TMED1: variants seen among roughly 807,000 people sequenced by gnomAD.
TMED1 encodes the protein transmembrane emp24 domain-containing protein 1.
In TMED1, 20 loss-of-function variants were observed where a neutral mutation model predicts 21.2. That is an observed-to-expected ratio of 0.95 (90% CI 0.67 to 1.37). TMED1 has a LOEUF of 1.37. Among genes scored for constraint, TMED1 ranks in the 40% most tolerant of loss-of-function variants. TMED1 has a pLI of 0.00. For missense variants in TMED1, 316 were observed against 309.8 expected (o/e 1.02, Z -0.15); for synonymous variants, 149 against 134.7 (o/e 1.11, Z -0.74).
At position 10,832,245 on chromosome 19, in the gene TMED1, C is replaced by T. The variant is rs528335877; in HGVS notation, c.*750G>A. ...CTCTCACCTCGTGGGGAAGCCCAAG[C>T]CTCGTGGCCCAACTGGGGCTCAGTT... On this transcript the variant is annotated 3_prime_UTR_variant, in exon 4 of 4. Coordinates refer to ENST00000214869, the MANE Select transcript of TMED1 (RefSeq NM_006858.4). The T allele has an allele frequency of 1.1e-5, 14 of 1,276,678 alleles. No homozygotes were observed. In the South Asian group the frequency reaches 1.4e-4, roughly 12 times the overall value. 79.1% of individuals were successfully genotyped at this position (1,276,678 alleles called of 1,614,324 possible).
chr19:10,835,673 C>A (rs1338380922), intron 1 of TMED1: 10 of 1,400,406 alleles, frequency 7.1e-6, no homozygotes, highest in South Asian at 4.8e-5. Flanking sequence ...GTCTAACCCC[C>A]GAGAAAGGCC....
intron 3 of TMED1, 182 bp from the exon 4 acceptor site, chr19:10,833,395 A>G (rs2073386431): frequency 1.7e-6 from 1 of 604,286 alleles, no homozygotes; most frequent in East Asian, 2.8e-5. Flanking sequence ...GACCATGAGC[A>G]ACTTAATTAA....
chr19:10,835,594 G>C, intron 1 of TMED1: 1 of 1,417,714 alleles, frequency 7.1e-7, no homozygotes, highest in Non-Finnish European at 9.2e-7. Context: ...GTACTTAATG[G>C]ACGTTTACCT....
chr19:10,834,421 T>G (rs935756509), intron 3 of TMED1, among the ~76,000 whole-genome samples: 14 of 151,996 alleles, frequency 9.2e-5, no homozygotes, highest in Non-Finnish European at 1.9e-4. Context: ...TCCTTAAACC[T>G]TTACACCAGG....
chr19:10,835,379 A>C lies in TMED1; in HGVS notation c.184-26T>G, dbSNP rs772418236. On this transcript the variant is annotated intron_variant, in intron 1 of 3. Transcript: ENST00000214869. ...CTGGGGGGCAGGTAAGAGCGGGTGG[A>C]GGGCTAGCGGTAGGCCAAGGGCGCC... 1.2e-6 allele frequency: 2 copies of C among 1,612,760 alleles called. No homozygotes were observed. Among genetic ancestry groups the C allele is most frequent in the Non-Finnish European group, 1.7e-6 (2 of 1,179,602 alleles).
Position 10,836,137 on chromosome 19 carries a change from C to A in TMED1, c.55G>T (p.Val19Leu). 1.3e-6 allele frequency: 2 copies of A among 1,566,420 alleles called. No individual in the cohort carries two copies. The highest frequency in any genetic ancestry group is 1.7e-6 in the Non-Finnish European group (2 of 1,156,830). ...ALALWLLMPP[V>L]EVGGAGPPPI... ...GGGGGCCCCGCCCCTCCCACCTCCA[C>A]TGGTGGCATTAGTAGCCACAAGGCC... Residue 19 changes from valine (V) to leucine (L), a missense_variant, in exon 1 of 4, where the codon GTG becomes TTG. Transcript: ENST00000214869.
At chr19:10,835,891 C>A in intron 1 of TMED1, 118 bp downstream of exon 1, 11 of 1,432,002 alleles carry the variant, frequency 7.7e-6, no homozygotes, top group South Asian at 1.4e-5. Flanking sequence ...TCTAGCTCCG[C>A]CCCCGCGCTC....
At chr19:10,835,646 C>G in intron 1 of TMED1, 9 of 1,408,454 alleles carry the variant, frequency 6.4e-6, no homozygotes, top group Non-Finnish European at 8.3e-6. Flanking sequence ...AGAGGATAGG[C>G]CCAGCCTTTT....
Position 10,832,787 on chromosome 19 carries a change from T to A in TMED1, c.*208A>T. On this transcript the variant is annotated 3_prime_UTR_variant, in exon 4 of 4. Transcript: ENST00000214869. ...CCACCATGTGAGATTTCCAGGACCGTCGGTGCAGCCACTGAGCCGTCCCTT... is the reference window on the plus strand; with the variant it reads ...CCACCATGTGAGATTTCCAGGACCGACGGTGCAGCCACTGAGCCGTCCCTT... 2 of 617,616 alleles carry A rather than the reference T, an allele frequency of 3.2e-6. No individual in the cohort carries two copies. The highest frequency in any genetic ancestry group is 5.7e-6 in the Non-Finnish European group (2 of 352,594). The allele number at this position is 617,616 out of a possible 1,614,324, so 38.3% of individuals were successfully genotyped here.
In TMED1 at chr19:10,835,006, G is replaced by C. The variant is rs751457954; in HGVS notation, c.393C>G (p.Asp131Glu). The change falls in exon 3 of 4, where the codon GAC (aspartate) becomes GAG (glutamate). Residue 131 changes from aspartate (D) to glutamate (E), a missense_variant. Coordinates refer to ENST00000214869, the MANE Select transcript of TMED1 (RefSeq NM_006858.4). The part of the protein sequence containing the change: ...FELIFDSLQD[D>E]EEVEGWAEAV... ...CCTCTGCCCATCCTTCGACCTCCTCGTCATCCTGGAGGCTGTCAAAGATCA... is the reference window on the plus strand; with the variant it reads ...CCTCTGCCCATCCTTCGACCTCCTCCTCATCCTGGAGGCTGTCAAAGATCA... 1.2e-6 allele frequency: 2 copies of C among 1,614,044 alleles called. No homozygotes were observed. Among genetic ancestry groups the C allele is most frequent in the African/African-American group, 1.3e-5 (1 of 74,906 alleles).
chr19:10,835,332 C>G lies in TMED1; in HGVS notation c.205G>C (p.Asp69His). Residue 69 changes from aspartate to histidine, a missense_variant, in exon 2 of 4, where the codon GAC (aspartate) becomes CAC (histidine). Transcript: ENST00000214869. ...GGGCTCTCCAGCGTGAAGTCCACGT[C>G]CAGTCCAGCACCTCCGATCACCTGG... The part of the protein sequence containing the change: ...EYQVIGGAGL[D>H]VDFTLESPQG... The G allele has an allele frequency of 6.2e-7, 1 of 1,613,740 alleles. No homozygotes were observed. Among genetic ancestry groups the G allele is most frequent in the Non-Finnish European group, 8.5e-7 (1 of 1,179,898 alleles).
At position 10,836,046 on chromosome 19, in the gene TMED1, G is replaced by C. The variant is rs2073424669; in HGVS notation, c.146C>G (p.Ser49Cys). The C allele has an allele frequency of 6.3e-7, 1 of 1,596,606 alleles. No homozygotes were observed. The highest frequency in any genetic ancestry group is 1.3e-5 in the African/African-American group (1 of 74,462). ...PAGRKQCFYQ[S>C]APANASLETE... ...CTCGAGGCTTGCGTTGGCCGGCGCG[G>C]ACTGGTAGAAACACTGCTTCCTCCC... is the stretch of plus-strand genomic sequence containing the variant. The change falls in exon 1 of 4, where the codon TCC becomes TGC. Residue 49 changes from serine to cysteine, a missense_variant. Physicochemically the swap from Ser to Cys is moderately radical, Grantham distance 112 (BLOSUM62 -1). Coordinates refer to ENST00000214869, the MANE Select transcript of TMED1 (RefSeq NM_006858.4).
rs1424408853 is a variant in TMED1 at position 10,832,389 on chromosome 19, G to A, written c.*606C>T. On this transcript the variant is annotated 3_prime_UTR_variant, in exon 4 of 4. Coordinates refer to ENST00000214869, the MANE Select transcript of TMED1 (RefSeq NM_006858.4). Reference sequence around the variant, plus strand: ...CACCTGTCTGGCTGCCCCCTCGGGGGCCGGTCTGTCCTGGCTGGTGTCCCT... The same window carrying A: ...CACCTGTCTGGCTGCCCCCTCGGGGACCGGTCTGTCCTGGCTGGTGTCCCT... The A allele has an allele frequency of 1.6e-6, 2 of 1,287,304 alleles. No individual in the cohort carries two copies. The highest frequency in any genetic ancestry group is 2.0e-6 in the Non-Finnish European group (2 of 986,594). 79.7% of individuals were successfully genotyped at this position (1,287,304 alleles called of 1,614,324 possible). A position where few individuals can be genotyped will look rare whatever the true frequency, so the allele number is the denominator to read the frequency against.
At chr19:10,833,525 G>C (rs2073388186) in intron 3 of TMED1, 1 of 376,908 alleles carries the variant, frequency 2.7e-6, no homozygotes, top group Non-Finnish European at 4.9e-6. Flanking sequence ...ACTTTGGAAG[G>C]CTGAGGTGGG....
rs762671844 is a variant in TMED1, at chr19:10,835,077, C to T, written c.322G>A (p.Asp108Asn). 1.9e-6 allele frequency: 3 copies of T among 1,614,090 alleles called. No individual in the cohort carries two copies. In the South Asian group the frequency reaches 3.3e-5, roughly 18 times the overall value. Residue 108 changes from aspartate (D) to asparagine (N), a missense_variant, in exon 3 of 4, where the codon GAC becomes AAC. Physicochemically the swap from Asp to Asn is conservative, Grantham distance 23. Coordinates refer to ENST00000214869, the MANE Select transcript of TMED1 (RefSeq NM_006858.4). ...TCGGAGATGGTGCTGAAGGAGTTGTCAAAGCACAGCTTGTAGTCCCCGGCC... is the reference window on the plus strand; with the variant it reads ...TCGGAGATGGTGCTGAAGGAGTTGTTAAAGCACAGCTTGTAGTCCCCGGCC... The part of the protein sequence containing the change: ...TEAGDYKLCF[D>N]NSFSTISEKL...
chr19:10,833,178 G>A lies in TMED1; in HGVS notation c.501C>T (p.Arg167=). The A allele has an allele frequency of 6.2e-7, 1 of 1,613,748 alleles. No individual in the cohort carries two copies. Among genetic ancestry groups the A allele is most frequent in the Non-Finnish European group, 8.5e-7 (1 of 1,180,020 alleles). ...GCAGTAGCGTGAGCATCTGGATGCT[G>A]CGCTCCAGCCGGGTCCGCATGGTCT... ...SIETMRTRLE[R]SIQMLTLLRA... The change falls in exon 4 of 4, where the codon CGC becomes CGT. Residue 167 remains arginine (R), a synonymous_variant. Coordinates refer to ENST00000214869, the MANE Select transcript of TMED1 (RefSeq NM_006858.4).
At chr19:10,834,812 C>T (rs1306350011) in intron 3 of TMED1, 122 bp downstream of exon 3, 1 of 1,180,972 alleles carries the variant, frequency 8.5e-7, no homozygotes, top group South Asian at 1.5e-5. Context: ...AGAGCTGCTA[C>T]TCTTACTATA....
At chr19:10,834,139 G>C (rs1250212839) in intron 3 of TMED1, among the ~76,000 whole-genome samples, 2 of 152,202 alleles carry the variant, frequency 1.3e-5, no homozygotes, top group African/African-American at 2.4e-5. Flanking sequence ...CAGCCTGGGT[G>C]ACCAAGAGAG....
chr19:10,835,175 G>T, intron 2 of TMED1, 58 bp from the exon 3 acceptor site: 1 of 1,611,016 alleles, frequency 6.2e-7, no homozygotes. Context: ...ACTCAGCGGG[G>T]CAGTCAGGGC....
Sources: gnomAD v4.1 joint callset for allele counts (sites outside exome capture counted in the v4.1 genomes callset) on GRCh38, gnomAD v4.1.1 for gene constraint, MANE v1.5 for transcripts, NCBI Gene and HGNC (gene_info 2026-07-23, HGNC 2026-07-21) for gene names.